TOX: variants seen among roughly 807,000 people sequenced by gnomAD.
TOX encodes thymocyte selection-associated high mobility group box protein TOX.
A neutral mutation model predicts 53.7 loss-of-function variants in TOX; 11 were observed. That is an observed-to-expected ratio of 0.20 (90% CI 0.13 to 0.34). The LOEUF (loss-of-function observed/expected upper bound fraction) is 0.34. TOX is among the 10% of genes least tolerant of loss of function. The pLI, the probability that TOX is intolerant of heterozygous loss-of-function variation, is 1.00. For missense variants in TOX, 570 were observed against 664.6 expected, an observed-to-expected ratio of 0.86 and a Z score of 1.56; for synonymous variants, 225 against 245.3, an observed-to-expected ratio of 0.92 and a Z score of 0.77.
intron 1 of TOX, among the ~76,000 whole-genome samples, chr8:59,068,999 T>C (rs764144052): frequency 6.6e-6 from 1 of 152,038 alleles, no homozygotes; most frequent in African/African-American, 2.4e-5. Flanking sequence ...GAATTCACGA[T>C]GGATTGAAAC....
chr8:59,092,267 A>T (rs1301818419), intron 1 of TOX, among the ~76,000 whole-genome samples: 3 of 89,242 alleles, frequency 3.4e-5, no homozygotes, highest in Non-Finnish European at 5.6e-5. Context: ...TATATATTTT[A>T]TATATATATA....
rs532877817 is a variant in TOX at position 58,894,850 on chromosome 8, C to T, written c.412-43045G>A. On this transcript the variant is annotated intron_variant, in intron 3 of 8. Coordinates refer to ENST00000361421, the MANE Select transcript of TOX (RefSeq NM_014729.3). ...GGTGGAGGTTGCAGTGAGCCGAGAT[C>T]GCGCCACTGCACTCCAGCCTGGGAG... Among the ~76,000 whole-genome samples the T allele has an allele frequency of 9.4e-4, 142 of 151,596 alleles. 1 individual carries two copies. Among genetic ancestry groups the T allele is most frequent in the Non-Finnish European group, 1.6e-3 (112 of 67,928 alleles).
chr8:58,912,821 A>G (rs1221832727), intron 3 of TOX, among the ~76,000 whole-genome samples: 1 of 152,238 alleles, frequency 6.6e-6, no homozygotes, highest in African/African-American at 2.4e-5. Flanking sequence ...CTTCATGAGC[A>G]TGATGACAAT....
intron 1 of TOX, among the ~76,000 whole-genome samples, chr8:59,044,195 A>G (rs1409865434): frequency 6.6e-6 from 1 of 151,482 alleles, no homozygotes; most frequent in African/African-American, 2.4e-5. Flanking sequence ...CTTCAGAAGG[A>G]AAAAAAATTC....
chr8:58,892,742 T>C (rs892233332), intron 3 of TOX, among the ~76,000 whole-genome samples: 1 of 152,196 alleles, frequency 6.6e-6, no homozygotes, highest in Admixed American at 6.5e-5. Context: ...TTTGGAGATG[T>C]ACTCTATTGG....
intron 1 of TOX, among the ~76,000 whole-genome samples, chr8:59,009,038 C>T (rs1040918088): frequency 7.9e-5 from 12 of 151,926 alleles, no homozygotes; most frequent in Non-Finnish European, 1.8e-4. Flanking sequence ...TCTTTTCCTC[C>T]CTCTTTCCAT....
chr8:59,113,092 A>T (rs1805046487), intron 1 of TOX, among the ~76,000 whole-genome samples: 3 of 152,236 alleles, frequency 2.0e-5, no homozygotes. Context: ...CTAGTTATCT[A>T]TGTATATTCT....
intron 3 of TOX, among the ~76,000 whole-genome samples, chr8:58,860,477 T>C (rs1428987688): frequency 1.3e-5 from 2 of 152,200 alleles, no homozygotes; most frequent in Non-Finnish European, 2.9e-5. Context: ...CCTTAAAACA[T>C]GACTGTGAGG....
chr8:58,929,355 T>G (rs1033381607), intron 3 of TOX, among the ~76,000 whole-genome samples: 1 of 152,120 alleles, frequency 6.6e-6, no homozygotes, highest in Middle Eastern at 3.2e-3. Flanking sequence ...TCATACCTTT[T>G]CTCCTACACA....
In TOX at chr8:58,883,790, T is replaced by C. The variant is rs377085937; in HGVS notation, c.412-31985A>G. Among the ~76,000 whole-genome samples the C allele has an allele frequency of 8.5e-4, 129 of 152,236 alleles. 3 individuals are homozygous for C. The East Asian group carries it at 0.01, about 12-fold the overall frequency. ...GTAATAATGACAAACAGTCCACAAA[T>C]TGAAACCTCAAAGAAGACATATGAT... is the stretch of plus-strand genomic sequence containing the variant. On this transcript the variant is annotated intron_variant, in intron 3 of 8. Transcript: ENST00000361421.
chr8:58,977,558 G>A (rs1473841208), intron 1 of TOX, among the ~76,000 whole-genome samples: 1 of 152,206 alleles, frequency 6.6e-6, no homozygotes, highest in East Asian at 1.9e-4. Flanking sequence ...AAAAGGCCTA[G>A]CTTGGCTTGC....
At chr8:58,824,203 G>A (rs12550146) in intron 6 of TOX, among the ~76,000 whole-genome samples, 5,245 of 152,222 alleles carry the variant, frequency 0.034, 300 homozygotes, top group East Asian at 0.25. Context: ...CTACCTGCAG[G>A]TGTCTTTCCT....
At chr8:58,902,464 G>A (rs184563480) in intron 3 of TOX, among the ~76,000 whole-genome samples, 33 of 152,266 alleles carry the variant, frequency 2.2e-4, no homozygotes, top group African/African-American at 7.7e-4. Flanking sequence ...TGGAAATTGA[G>A]TGCTGGCAAG....
intron 5 of TOX, among the ~76,000 whole-genome samples, chr8:58,836,076 T>C (rs1810539856): frequency 6.6e-6 from 1 of 152,228 alleles, no homozygotes; most frequent in South Asian, 2.1e-4. Flanking sequence ...TTTATGGTAC[T>C]GAAGCCAGGT....
intron 1 of TOX, among the ~76,000 whole-genome samples, chr8:59,029,569 A>T (rs1050841298): frequency 7.9e-5 from 12 of 152,184 alleles, no homozygotes; most frequent in African/African-American, 2.7e-4. Context: ...AATGTTTCCC[A>T]ATTTTACAGA....
rs199789214 is a variant in TOX at position 58,909,221 on chromosome 8, GTCT to G, written c.411+30078_411+30080del. ...TGAGCACTCAGGTTTGACAACACAAGTCTTCTTGCTATTCAAAATGTGGATCCT... is the reference window on the plus strand; with the variant it reads ...TGAGCACTCAGGTTTGACAACACAAGTCTTGCTATTCAAAATGTGGATCCT... On this transcript the variant is annotated intron_variant, in intron 3 of 8. Coordinates refer to ENST00000361421, the MANE Select transcript of TOX (RefSeq NM_014729.3). 6.3e-3 allele frequency among the ~76,000 whole-genome samples: 962 copies of G among 152,314 alleles called. 13 individuals carry two copies. The highest frequency in any genetic ancestry group is 0.022 in the African/African-American group (922 of 41,566).
intron 3 of TOX, among the ~76,000 whole-genome samples, chr8:58,852,753 A>G (rs1011395966): frequency 1.3e-5 from 2 of 152,208 alleles, no homozygotes; most frequent in Admixed American, 1.3e-4. Flanking sequence ...TCAGGCAGGT[A>G]GAGGGCACAC....
chr8:58,844,585 A>G (rs775968453), intron 4 of TOX, among the ~76,000 whole-genome samples: 4 of 152,164 alleles, frequency 2.6e-5, no homozygotes, highest in Non-Finnish European at 4.4e-5. Context: ...TTTTACATGC[A>G]ATGGATCATT....
intron 3 of TOX, among the ~76,000 whole-genome samples, chr8:58,915,334 C>T (rs11988313): frequency 0.025 from 2,170 of 88,068 alleles, 126 homozygotes; most frequent in African/African-American, 0.1. Flanking sequence ...AGTGGTTCTC[C>T]CAGCACGCAG....
Sources: gnomAD v4.1 joint callset for allele counts (sites outside exome capture counted in the v4.1 genomes callset) on GRCh38, gnomAD v4.1.1 for gene constraint, MANE v1.5 for transcripts, NCBI Gene and HGNC (gene_info 2026-07-23, HGNC 2026-07-21) for gene names.